FOXRED2: variants seen among roughly 807,000 people sequenced by gnomAD.
FOXRED2 encodes FAD dependent oxidoreductase domain containing 2, also known as FAD-dependent oxidoreductase domain-containing protein 2.
In FOXRED2, 32 loss-of-function variants were observed where a neutral mutation model predicts 52.5. The observed-to-expected ratio is 0.61, with a 90% CI of 0.46 to 0.82. The LOEUF is 0.82. Ranked by LOEUF, FOXRED2 falls within the 40% of genes least tolerant of loss-of-function variation. FOXRED2 has a pLI of 0.00. For missense variants in FOXRED2, 848 were observed against 937.5 expected (o/e 0.90, Z 1.25); for synonymous variants, 405 against 398.1 (o/e 1.02, Z -0.21).
At position 36,506,263 on chromosome 22, in the gene FOXRED2, G is replaced by A; in HGVS notation, c.160C>T (p.Arg54Cys). The change falls in exon 2 of 9, where the codon CGC becomes TGC. Residue 54 changes from arginine (R) to cysteine (C), a missense_variant. Arg to Cys is a radical substitution (Grantham distance 180). Transcript: ENST00000397224. ...GCCCGCTCGAACACTGCGTAGTCGC[G>A]TCCAGCGCGCTGCAGGAAGTAGGCC... ...QMAYFLQRAG[R>C]DYAVFERAPR... is the part of the protein sequence containing the mutation. 1.2e-6 allele frequency: 2 copies of A among 1,608,710 alleles called. No individual in the cohort carries two copies. Among genetic ancestry groups the A allele is most frequent in the Non-Finnish European group, 1.7e-6 (2 of 1,177,024 alleles).
chr22:36,499,989 T>A (rs1347185367), intron 5 of FOXRED2, among the ~76,000 whole-genome samples: 1 of 151,978 alleles, frequency 6.6e-6, no homozygotes, highest in African/African-American at 2.4e-5. Context: ...TAAGTAGAGG[T>A]GGGATTTCAC....
intron 8 of FOXRED2, among the ~76,000 whole-genome samples, chr22:36,492,557 G>A (rs756983869): frequency 1.4e-4 from 21 of 152,202 alleles, no homozygotes; most frequent in African/African-American, 2.2e-4. Context: ...CTGTTGCCCA[G>A]GCTGGAGTGC....
chr22:36,491,879 C>T (rs114874620), intron 8 of FOXRED2, among the ~76,000 whole-genome samples: 1 of 152,142 alleles, frequency 6.6e-6, no homozygotes, highest in Non-Finnish European at 1.5e-5. Context: ...AGAGCTGACA[C>T]AGATATGGGC....
intron 6 of FOXRED2, 74 bp from the exon 7 acceptor site, chr22:36,496,282 T>TGA (rs1175101984): frequency 6.4e-7 from 1 of 1,574,256 alleles, no homozygotes; most frequent in South Asian, 1.1e-5. Flanking sequence ...GGGGTGAGCA[T>TGA]GTGTGTGTGC....
rs1234764729 is a variant in FOXRED2 at position 36,490,180 on chromosome 22, G to T, written c.1883C>A (p.Thr628Asn). Residue 628 changes from threonine (T) to asparagine (N), a missense_variant, in exon 9 of 9, where the codon ACC becomes AAC. By Grantham distance (65) the Thr-to-Asn change is moderately conservative (BLOSUM62 0). Coordinates refer to ENST00000397224, the MANE Select transcript of FOXRED2 (RefSeq NM_001102371.2). ...CACTCTGTGCTGCCAAAGGCTCTCG[G>T]TACTCACGAGTCCCTGCATCCTCAG... The part of the protein sequence containing the change: ...GYLRMQGLVS[T>N]ESLWQHRVES... The T allele has an allele frequency of 6.2e-7, 1 of 1,614,108 alleles. No homozygotes were observed. The highest frequency in any genetic ancestry group is 1.3e-5 in the African/African-American group (1 of 75,064).
At chr22:36,504,799 T>A in intron 2 of FOXRED2, 33 bp from the exon 3 acceptor site, 2 of 1,609,242 alleles carry the variant, frequency 1.2e-6, no homozygotes, top group South Asian at 1.1e-5. Flanking sequence ...GATGGCTTAG[T>A]CTCTTAGCTA....
intron 5 of FOXRED2, among the ~76,000 whole-genome samples, chr22:36,499,339 G>C (rs1424983049): frequency 6.6e-6 from 1 of 152,204 alleles, no homozygotes; most frequent in Non-Finnish European, 1.5e-5. Context: ...GCTCAGGCTA[G>C]GCATGGTGGC....
Position 36,496,138 on chromosome 22 carries a change from C to T in FOXRED2, c.1453G>A (p.Gly485Arg). 6.2e-7 allele frequency: 1 copy of T among 1,614,192 alleles called. No homozygotes were observed. The highest frequency in any genetic ancestry group is 1.3e-5 in the African/African-American group (1 of 75,042). Residue 485 changes from glycine (G) to arginine (R), a missense_variant, in exon 7 of 9, where the codon GGG becomes AGG. By Grantham distance (125) the Gly-to-Arg change is moderately radical (BLOSUM62 -2). Coordinates refer to ENST00000397224, the MANE Select transcript of FOXRED2 (RefSeq NM_001102371.2). ...AAGAGCCCGTGCTTTGCCTTCCTCC[C>T]TGTGAGTGTCTCCAGCTGGGCCAGC... is the stretch of plus-strand genomic sequence containing the variant. ...QMLAQLETLT[G>R]RKAKHGLFVI...
At chr22:36,498,230 GC>G (rs1365671992) in intron 5 of FOXRED2, 74 bp from the exon 6 acceptor site, 1 of 1,522,944 alleles carries the variant, frequency 6.6e-7, no homozygotes, top group African/African-American at 1.4e-5. Flanking sequence ...GGATGCCCAG[GC>G]CTCATTGACC....
rs769936001 is a variant in FOXRED2, at chr22:36,498,023, G to A, written c.1350C>T (p.Phe450=). The change falls in exon 6 of 9, where the codon TTC becomes TTT. Residue 450 remains phenylalanine (F), a synonymous_variant. Coordinates refer to ENST00000397224, the MANE Select transcript of FOXRED2 (RefSeq NM_001102371.2). ...ACAGGATGACATCGGCCAGCACACC[G>A]AACATCTGGTAGAGCCCAGAAGCCT... ...VNEASGLYQM[F]GVLADVILLK... is the part of the protein sequence containing the mutation. The A allele has an allele frequency of 8.7e-6, 14 of 1,613,954 alleles. No individual in the cohort carries two copies. The Admixed American group carries it at 1.5e-4, about 17-fold the overall frequency.
rs1254202554 is a variant in FOXRED2 at position 36,489,362 on chromosome 22, T to G, written c.*646A>C. Reference sequence around the variant, plus strand: ...CGAGATCAGCCTGCTGGGCCTATGATGATAAGCAGGGCTGACCCTCTTGGG... The same window carrying G: ...CGAGATCAGCCTGCTGGGCCTATGAGGATAAGCAGGGCTGACCCTCTTGGG... On this transcript the variant is annotated 3_prime_UTR_variant, in exon 9 of 9. Transcript: ENST00000397224. 1 of 152,206 alleles carries G rather than the reference T, an allele frequency of 6.6e-6. No individual in the cohort carries two copies. Among genetic ancestry groups the G allele is most frequent in the African/African-American group, 2.4e-5 (1 of 41,434 alleles). 9.4% of individuals were successfully genotyped at this position (152,206 alleles called of 1,614,324 possible).
intron 5 of FOXRED2, among the ~76,000 whole-genome samples, chr22:36,500,692 T>A (rs1266022795): frequency 1.3e-5 from 2 of 151,620 alleles, no homozygotes; most frequent in Admixed American, 6.6e-5. Flanking sequence ...CAAGTGATTC[T>A]CCTGCCTCAG....
In FOXRED2 at chr22:36,504,221, G is replaced by A; in HGVS notation, c.926C>T (p.Thr309Ile). The change falls in exon 4 of 9, where the codon ACC (threonine) becomes ATC (isoleucine). Residue 309 changes from threonine to isoleucine, a missense_variant. Physicochemically the swap from Thr to Ile is moderately conservative, Grantham distance 89. Coordinates refer to ENST00000397224, the MANE Select transcript of FOXRED2 (RefSeq NM_001102371.2). ...TPKFFLEEAN[T>I]NQSADSITLP... Reference sequence around the variant, plus strand: ...GGTGATGGAGTCGGCACTCTGGTTGGTGTTGGCTTCTTCCAGGAAGAATTT... The same window carrying A: ...GGTGATGGAGTCGGCACTCTGGTTGATGTTGGCTTCTTCCAGGAAGAATTT... The A allele has an allele frequency of 6.2e-7, 1 of 1,614,224 alleles. No homozygotes were observed. The highest frequency in any genetic ancestry group is 8.5e-7 in the Non-Finnish European group (1 of 1,180,034).
chr22:36,504,008 C>A, intron 4 of FOXRED2, 90 bp downstream of exon 4: 1 of 1,379,358 alleles, frequency 7.2e-7, no homozygotes, highest in Non-Finnish European at 1.0e-6. Flanking sequence ...AGAGCTCTGT[C>A]GCCAGCCTAC....
intron 7 of FOXRED2, 132 bp from the exon 8 acceptor site, chr22:36,493,935 T>C (rs1374769343): frequency 8.2e-6 from 6 of 731,256 alleles, no homozygotes; most frequent in Non-Finnish European, 1.3e-5. Flanking sequence ...CCCGACAGCC[T>C]CCTATGCTGG....
At chr22:36,502,192 C>CAAAA (rs60077224) in intron 4 of FOXRED2, among the ~76,000 whole-genome samples, 1,666 of 149,026 alleles carry the variant, frequency 0.011, 24 homozygotes, top group African/African-American at 0.015. Flanking sequence ...AACAAACAAA[C>CAAAA]AATGAAGTCA....
At position 36,504,310 on chromosome 22, in the gene FOXRED2, G is replaced by A. The variant is rs368585266; in HGVS notation, c.837C>T (p.Leu279=). 82 of 1,614,024 alleles carry A rather than the reference G, an allele frequency of 5.1e-5. No individual in the cohort carries two copies. The highest frequency in any genetic ancestry group is 5.7e-5 in the Non-Finnish European group (67 of 1,180,040). ...TGGCCAGATCCGTCAGGTCAGACTC[G>A]AGCAGCCCGTCCAGGGACTTGAGCT... ...TYQLKSLDGL[L]ESDLTDLAIL... Residue 279 remains leucine (L), a synonymous_variant, in exon 4 of 9, where the codon CTC becomes CTT. Transcript: ENST00000397224.
rs1486054949 is a variant in FOXRED2, at chr22:36,506,359, G to A, written c.64C>T (p.His22Tyr). ...CGCGGGGGCACCGACAGCGCTGGGT[G>A]CAGGGCGATGGCCAGGAGCAGCCCC... ...PPGLLLAIAL[H>Y]PALSVPPRRD... Residue 22 changes from histidine (H) to tyrosine (Y), a missense_variant, in exon 2 of 9, where the codon CAC becomes TAC. Physicochemically the swap from His to Tyr is moderately conservative, Grantham distance 83. Transcript: ENST00000397224. The A allele has an allele frequency of 6.8e-7, 1 of 1,460,834 alleles. No individual in the cohort carries two copies. 90.5% of individuals were successfully genotyped at this position (1,460,834 alleles called of 1,614,324 possible).
Position 36,490,067 on chromosome 22 carries a change from A to C in FOXRED2, c.1996T>G (p.Ser666Ala). ...QQLGDQEPLGSPLAPGPLAQS... is the reference protein window; with the variant it reads ...QQLGDQEPLGAPLAPGPLAQS... ...GCCAGAGGCCCTGGAGCCAGGGGGG[A>C]ACCTAGTGGCTCTTGGTCGCCAAGC... Residue 666 changes from serine (S) to alanine (A), a missense_variant, in exon 9 of 9, where the codon TCC becomes GCC. By Grantham distance (99) the Ser-to-Ala change is moderately conservative. Coordinates refer to ENST00000397224, the MANE Select transcript of FOXRED2 (RefSeq NM_001102371.2). 6.2e-7 allele frequency: 1 copy of C among 1,612,568 alleles called. No individual in the cohort carries two copies. The highest frequency in any genetic ancestry group is 8.5e-7 in the Non-Finnish European group (1 of 1,178,984).
Sources: allele counts gnomAD v4.1 joint callset (sites outside exome capture counted in the v4.1 genomes callset), GRCh38; gene constraint gnomAD v4.1.1; transcripts MANE v1.5; gene names NCBI Gene and HGNC (gene_info 2026-07-23, HGNC 2026-07-21).